The following CIMIP4 variants were observed in gnomAD, a reference collection of about 807,000 sequenced individuals.
The protein encoded by CIMIP4 is protein EAN57.
At chr22:36,999,282 C>A in the CIMIP4 span, among the ~76,000 whole-genome samples, 2 of 147,804 alleles carry the variant, frequency 1.4e-5, no homozygotes, top group Non-Finnish European at 3.0e-5. Context: ...TATGGTGAAA[C>A]CTTGCCTCTA....
At chr22:36,993,252 C>T in the CIMIP4 span, among the ~76,000 whole-genome samples, 1 of 151,684 alleles carries the variant, frequency 6.6e-6, no homozygotes, top group South Asian at 2.1e-4. Flanking sequence ...CCTTGTGATC[C>T]GCCCATCTCG....
chr22:36,999,999 A>T, the CIMIP4 span: 8 of 1,603,736 alleles, frequency 5.0e-6, no homozygotes, highest in South Asian at 7.8e-5. Flanking sequence ...GCAGGGAGGC[A>T]GGGATGACAG....
the CIMIP4 span, among the ~76,000 whole-genome samples, chr22:36,994,452 C>T: frequency 6.6e-6 from 1 of 151,984 alleles, no homozygotes; most frequent in Non-Finnish European, 1.5e-5. Flanking sequence ...CCTCAGCCTC[C>T]TGAGAAGCCA....
At chr22:37,001,421 C>T in the CIMIP4 span, among the ~76,000 whole-genome samples, 2 of 152,112 alleles carry the variant, frequency 1.3e-5, no homozygotes, top group Non-Finnish European at 2.9e-5. Context: ...GCTATCCATC[C>T]ACTAAATGCT....
the CIMIP4 span, among the ~76,000 whole-genome samples, chr22:37,004,425 C>T: frequency 3.3e-5 from 5 of 152,326 alleles, no homozygotes; most frequent in South Asian, 1.0e-3. Context: ...TAGCAGGCCC[C>T]TGGCTGTGAA....
At chr22:37,003,034 G>C in the CIMIP4 span, among the ~76,000 whole-genome samples, 22 of 152,326 alleles carry the variant, frequency 1.4e-4, no homozygotes, top group Non-Finnish European at 2.4e-4. Flanking sequence ...CCAGATTACA[G>C]CTGTAAATAT....
At chr22:36,993,006 T>G in the CIMIP4 span, among the ~76,000 whole-genome samples, 3 of 144,316 alleles carry the variant, frequency 2.1e-5, no homozygotes, top group Non-Finnish European at 4.5e-5. Context: ...TTAATTAAAG[T>G]TTTTTTTTTC....
chr22:37,000,078 C>G, the CIMIP4 span: 1 of 1,466,512 alleles, frequency 6.8e-7, no homozygotes, highest in Non-Finnish European at 9.1e-7. Context: ...ACCCTGCCCT[C>G]CCCACCCCGA....
At chr22:36,999,982 A>G in the CIMIP4 span, 1 of 1,610,784 alleles carries the variant, frequency 6.2e-7, no homozygotes. Context: ...TAGCCTTTTG[A>G]GCCTGAGCAG....
the CIMIP4 span, among the ~76,000 whole-genome samples, chr22:37,000,664 G>T: frequency 6.6e-6 from 1 of 152,200 alleles, no homozygotes; most frequent in Non-Finnish European, 1.5e-5. Context: ...ACACTTGCTG[G>T]CTCAATGACA....
At chr22:37,001,175 A>G in the CIMIP4 span, among the ~76,000 whole-genome samples, 28 of 151,886 alleles carry the variant, frequency 1.8e-4, no homozygotes, top group African/African-American at 6.3e-4. Flanking sequence ...GACTGCCTGG[A>G]ATGCTATATC....
the CIMIP4 span, among the ~76,000 whole-genome samples, chr22:36,993,135 C>T: frequency 2.0e-5 from 3 of 151,726 alleles, no homozygotes; most frequent in Admixed American, 2.0e-4. Flanking sequence ...CCTCAGCCTC[C>T]TGAGTAGCTG....
the CIMIP4 span, among the ~76,000 whole-genome samples, chr22:36,997,130 A>G: frequency 2.0e-5 from 3 of 152,178 alleles, no homozygotes; most frequent in Non-Finnish European, 2.9e-5. Context: ...CCTCAGTTTT[A>G]CTACTTTCTT....
chr22:36,995,654 G>A, the CIMIP4 span, among the ~76,000 whole-genome samples: 2 of 152,126 alleles, frequency 1.3e-5, no homozygotes, highest in African/African-American at 4.8e-5. Context: ...TTTCCCCCAT[G>A]CTGTTTCCAT....
At chr22:37,005,469 G>A in the CIMIP4 span, among the ~76,000 whole-genome samples, 5,040 of 152,086 alleles carry the variant, frequency 0.033, 108 homozygotes, top group Non-Finnish European at 0.045. Flanking sequence ...TAAAAATTTG[G>A]GACTGAACTT....
the CIMIP4 span, chr22:37,004,050 T>C: frequency 4.6e-6 from 7 of 1,533,470 alleles, no homozygotes; most frequent in Non-Finnish European, 6.2e-6. Flanking sequence ...CCACGTTTCA[T>C]CGTCTCAGAT....
the CIMIP4 span, chr22:37,002,229 A>G: frequency 6.9e-7 from 1 of 1,458,398 alleles, no homozygotes; most frequent in Non-Finnish European, 9.1e-7. Flanking sequence ...AAGGAACTGT[A>G]GGCCGCTTTC....
chr22:36,992,366 C>A, the CIMIP4 span, among the ~76,000 whole-genome samples: 2 of 145,722 alleles, frequency 1.4e-5, no homozygotes, highest in Non-Finnish European at 3.0e-5. Context: ...AACAAACAAA[C>A]AAAAAACCTA....
chr22:37,006,186 T>C, the CIMIP4 span, among the ~76,000 whole-genome samples: 1 of 152,070 alleles, frequency 6.6e-6, no homozygotes, highest in African/African-American at 2.4e-5. Context: ...ATCAGCAAAA[T>C]GTTGGCAACT....
Sources: allele counts gnomAD v4.1 joint callset (sites outside exome capture counted in the v4.1 genomes callset), GRCh38; gene constraint gnomAD v4.1.1; transcripts MANE v1.5; gene names NCBI Gene and HGNC (gene_info 2026-07-23, HGNC 2026-07-21).